Variants in PARD3 observed in about 807,000 individuals in gnomAD.
The protein encoded by PARD3 is par-3 family cell polarity regulator.
A neutral mutation model predicts 155.4 loss-of-function variants in PARD3; 75 were observed. The ratio of observed to expected loss-of-function variants is 0.48; its 90% CI spans 0.40 to 0.58. The LOEUF (loss-of-function observed/expected upper bound fraction) is 0.58. PARD3 is among the 20% of genes least tolerant of loss of function. The probability of loss-of-function intolerance (pLI) is 0.00; values close to 1 mark genes in which losing one functional copy is unlikely to be tolerated. For synonymous variants in PARD3, 576 were observed against 610.5 expected (o/e 0.94, Z 0.83); for missense variants, 1,642 against 1,721.7 (o/e 0.95, Z 0.82).
chr10:34,636,086 A>G lies in PARD3; in HGVS notation c.222+60232T>C, dbSNP rs191658870. 3.0e-3 allele frequency among the ~76,000 whole-genome samples: 453 copies of G among 152,206 alleles called. 2 individuals carry two copies. The highest frequency in any genetic ancestry group is 2.9e-3 in the Non-Finnish European group (195 of 67,990). On this transcript the variant is annotated intron_variant, in intron 2 of 24. Coordinates refer to ENST00000374788, the MANE Select transcript of PARD3 (RefSeq NM_001184785.2). ...AGGAAGAAGGAAGGAAGGAAGAAGG[A>G]AGAAGGAAGGAAGACGGAAGGAAGA...
At chr10:34,688,752 A>G (rs780944533) in intron 2 of PARD3, among the ~76,000 whole-genome samples, 2 of 152,234 alleles carry the variant, frequency 1.3e-5, no homozygotes, top group African/African-American at 2.4e-5. Flanking sequence ...TGTGCCCTGA[A>G]CGTTAATAAT....
At chr10:34,129,684 TTGTAATGTCAAGCCTC>T (rs1370431914) in intron 23 of PARD3, among the ~76,000 whole-genome samples, 5 of 89,766 alleles carry the variant, frequency 5.6e-5, no homozygotes, top group Non-Finnish European at 1.1e-4. Flanking sequence ...TCCTTTTTTT[TTGTAATGTCAAGCCTC>T]TTTTTTTTTT....
chr10:34,475,562 C>G (rs529227462), intron 3 of PARD3, among the ~76,000 whole-genome samples: 1 of 152,288 alleles, frequency 6.6e-6, no homozygotes, highest in South Asian at 2.1e-4. Context: ...CTATTTGTCT[C>G]ACATTTTGAA....
intron 21 of PARD3, among the ~76,000 whole-genome samples, chr10:34,277,733 AC>A (rs1408825219): frequency 6.6e-6 from 1 of 152,074 alleles, no homozygotes; most frequent in African/African-American, 2.4e-5. Flanking sequence ...AAAATACAAA[AC>A]GGTTAAAAGT....
chr10:34,583,387 A>C (rs967398621), intron 2 of PARD3, among the ~76,000 whole-genome samples: 4 of 152,210 alleles, frequency 2.6e-5, no homozygotes, highest in Non-Finnish European at 4.4e-5. Context: ...AGGATCAGAA[A>C]GATACATGTG....
chr10:34,119,558 C>A (rs537439289), intron 24 of PARD3, 55 bp downstream of exon 24: 1 of 1,525,718 alleles, frequency 6.6e-7, no homozygotes. Flanking sequence ...TCCTAAAGGG[C>A]GGGGGATCTT....
At chr10:34,804,316 C>T (rs1163784432) in intron 1 of PARD3, among the ~76,000 whole-genome samples, 1 of 152,198 alleles carries the variant, frequency 6.6e-6, no homozygotes, top group Non-Finnish European at 1.5e-5. Flanking sequence ...GGATTACAGG[C>T]ATGAGCCACT....
At chr10:34,802,586 C>G (rs1842924721) in intron 1 of PARD3, among the ~76,000 whole-genome samples, 1 of 152,124 alleles carries the variant, frequency 6.6e-6, no homozygotes, top group Non-Finnish European at 1.5e-5. Flanking sequence ...GGGGCCCAAA[C>G]CAAAACCTGG....
intron 2 of PARD3, among the ~76,000 whole-genome samples, chr10:34,672,264 C>T (rs2093623753): frequency 6.6e-6 from 1 of 152,150 alleles, no homozygotes; most frequent in Non-Finnish European, 1.5e-5. Context: ...GAGTACAACC[C>T]TGAAAACTTT....
chr10:34,290,016 C>A (rs1033677388), intron 20 of PARD3, among the ~76,000 whole-genome samples: 5 of 152,142 alleles, frequency 3.3e-5, no homozygotes, highest in African/African-American at 1.2e-4. Flanking sequence ...GCTATTAAAA[C>A]CATCATTTGG....
Position 34,378,044 on chromosome 10 carries a change from T to C in PARD3, c.1462A>G (p.Ile488Val). 6.3e-7 allele frequency: 1 copy of C among 1,596,940 alleles called. No homozygotes were observed. Among genetic ancestry groups the C allele is most frequent in the Non-Finnish European group, 8.5e-7 (1 of 1,173,032 alleles). The change falls in exon 10 of 25, where the codon ATC (isoleucine) becomes GTC (valine). Residue 488 changes from isoleucine (I) to valine (V), a missense_variant. By Grantham distance (29) the Ile-to-Val change is conservative. This residue lies in a region of PARD3 where 1,529 missense variants were observed against 1,587.3 expected (regional missense o/e 0.96). Transcript: ENST00000374788. The stretch of plus-strand genomic sequence containing the variant: ...CGGGGGAGAATGTTTTTCACATAGA[T>C]TGGAGCTGAGCCACCTATTGTTACA... ...RDVTIGGSAPIYVKNILPRGA... is the reference protein window; with the variant it reads ...RDVTIGGSAPVYVKNILPRGA...
chr10:34,165,399 T>A (rs970982551), intron 22 of PARD3, among the ~76,000 whole-genome samples: 3 of 152,216 alleles, frequency 2.0e-5, no homozygotes, highest in Admixed American at 1.3e-4. Context: ...AACATTCTTA[T>A]ATTAAAATCA....
chr10:34,227,946 T>C (rs1030747688), intron 22 of PARD3, among the ~76,000 whole-genome samples: 4 of 145,526 alleles, frequency 2.7e-5, no homozygotes, highest in African/African-American at 5.2e-5. Flanking sequence ...CATTCTACCA[T>C]AAAGACACAT....
At chr10:34,181,494 G>T (rs908571510) in intron 22 of PARD3, among the ~76,000 whole-genome samples, 3 of 143,470 alleles carry the variant, frequency 2.1e-5, no homozygotes, top group African/African-American at 7.7e-5. Context: ...TGCTGTAGAA[G>T]AAATGAGTGA....
chr10:34,769,806 A>AC (rs1564601257), intron 1 of PARD3, among the ~76,000 whole-genome samples: 3 of 150,470 alleles, frequency 2.0e-5, no homozygotes, highest in East Asian at 1.9e-4. Flanking sequence ...AAACAAAACA[A>AC]AAAAAAAAAC....
chr10:34,307,190 CAA>C (rs1031798614), intron 20 of PARD3, among the ~76,000 whole-genome samples: 5 of 152,058 alleles, frequency 3.3e-5, no homozygotes, highest in Non-Finnish European at 5.9e-5. Context: ...GCACCCGGCT[CAA>C]AAGTTTTATT....
At chr10:34,253,690 GACCACTCAGA>G (rs1954466460) in intron 22 of PARD3, among the ~76,000 whole-genome samples, 3 of 60,890 alleles carry the variant, frequency 4.9e-5, no homozygotes, top group Non-Finnish European at 1.8e-4. Context: ...AGAATCAGAC[GACCACTCAGA>G]GAAGACACAG....
chr10:34,357,287 G>A (rs1455473979), intron 14 of PARD3, among the ~76,000 whole-genome samples: 1 of 152,146 alleles, frequency 6.6e-6, no homozygotes, highest in Non-Finnish European at 1.5e-5. Context: ...TTGAGAAGGT[G>A]TTAAAAATTT....
intron 22 of PARD3, among the ~76,000 whole-genome samples, chr10:34,183,516 T>C (rs985794259): frequency 6.6e-6 from 1 of 152,164 alleles, no homozygotes; most frequent in Non-Finnish European, 1.5e-5. Flanking sequence ...GAGTAGAAAC[T>C]GGGTCTACCT....
Sources: gnomAD v4.1 joint callset for allele counts (sites outside exome capture counted in the v4.1 genomes callset) on GRCh38, gnomAD v4.1.1 for gene constraint, gnomAD v4.1.1 regional missense constraint, MANE v1.5 for transcripts, NCBI Gene and HGNC (gene_info 2026-07-23, HGNC 2026-07-21) for gene names.